LRRC23: variants seen among roughly 807,000 people sequenced by gnomAD.
LRRC23 encodes leucine rich repeat containing 23, also known as leucine-rich repeat-containing protein 23.
Under a neutral mutation model 37.7 loss-of-function variants are expected in LRRC23, and 28 were observed. That is an observed-to-expected ratio of 0.74 (90% CI 0.55 to 1.02). The LOEUF is 1.02. Ranked by LOEUF, LRRC23 falls within the 50% of genes least tolerant of loss-of-function variation. The pLI is 0.00. For missense variants in LRRC23, 377 were observed against 413.2 expected (o/e 0.91, Z 0.76); for synonymous variants, 161 against 165.4 (o/e 0.97, Z 0.20).
chr12:6,906,515 C>T lies in LRRC23; in HGVS notation c.343C>T (p.Leu115=). ...DLSPLNYLTH[L]LWLKADGNRL... ...GTCTCCACTCAACTACCTCACCCAC[C>T]TGCTCTGGCTCAAGGCTGATGGCAA... is the stretch of plus-strand genomic sequence containing the variant. Residue 115 remains leucine, a synonymous_variant, in exon 4 of 8, where the codon CTG becomes TTG. Coordinates refer to ENST00000443597, the MANE Select transcript of LRRC23 (RefSeq NM_001135217.2). 6.2e-7 allele frequency: 1 copy of T among 1,614,242 alleles called. No homozygotes were observed. The highest frequency in any genetic ancestry group is 8.5e-7 in the Non-Finnish European group (1 of 1,180,040).
intron 5 of LRRC23, among the ~76,000 whole-genome samples, chr12:6,908,607 A>AC (rs1945009360): frequency 1.7e-5 from 2 of 120,852 alleles, no homozygotes; most frequent in South Asian, 5.2e-4. Context: ...AAAAAAAAAA[A>AC]AAAAAAAAAA....
At position 6,912,781 on chromosome 12, in the gene LRRC23, C is replaced by T; in HGVS notation, c.810C>T (p.Pro270=). ...LGELAKLRDL[P]KLRALVLLDN... is the part of the protein sequence containing the mutation. ...AGCTGGCCAAGCTTCGAGACCTGCC[C>T]AAGCTGCGAGCGTTGGTGCTGCTTG... is the stretch of plus-strand genomic sequence containing the variant. The change falls in exon 7 of 8, where the codon CCC becomes CCT. Residue 270 remains proline, a synonymous_variant. Transcript: ENST00000443597. The T allele has an allele frequency of 6.8e-6, 11 of 1,614,160 alleles. No individual in the cohort carries two copies. Among genetic ancestry groups the T allele is most frequent in the Non-Finnish European group, 9.3e-6 (11 of 1,180,028 alleles).
In LRRC23 at chr12:6,905,768, C is replaced by G; in HGVS notation, c.126+9C>G. ...AAGAGTTCCCTGAGGAAGTGAGAGC[C>G]TGGACAAGGAGGGGTCCTAGGGCTG... is the stretch of plus-strand genomic sequence containing the variant. On this transcript the variant is annotated intron_variant, in intron 2 of 7. Coordinates refer to ENST00000443597, the MANE Select transcript of LRRC23 (RefSeq NM_001135217.2). 6.2e-7 allele frequency: 1 copy of G among 1,612,174 alleles called. No individual in the cohort carries two copies. The highest frequency in any genetic ancestry group is 8.5e-7 in the Non-Finnish European group (1 of 1,179,230).
At chr12:6,912,569 C>T (rs1229910242) in intron 6 of LRRC23, among the ~76,000 whole-genome samples, 161 bp from the exon 7 acceptor site, 1 of 152,162 alleles carries the variant, frequency 6.6e-6, no homozygotes, top group African/African-American at 2.4e-5. Flanking sequence ...AGCGGGGTCA[C>T]ACAGCACCTC....
At position 6,905,735 on chromosome 12, in the gene LRRC23, A is replaced by G. The variant is rs781952172; in HGVS notation, c.102A>G (p.Lys34=). ...KETEEGEDYR[K]EGEEFPEEWL... ...CAGAGGAGGGGGAGGACTACAGAAA[A>G]GAGGGGGAAGAGTTCCCTGAGGAAG... Residue 34 remains lysine (K), a synonymous_variant, in exon 2 of 8, where the codon AAA becomes AAG. Transcript: ENST00000443597. 6 of 1,611,644 alleles carry G rather than the reference A, an allele frequency of 3.7e-6. No individual in the cohort carries two copies. The East Asian group carries it at 1.3e-4, about 36-fold the overall frequency.
At chr12:6,910,934 G>A (rs1356742534) in intron 6 of LRRC23, among the ~76,000 whole-genome samples, 2 of 151,874 alleles carry the variant, frequency 1.3e-5, no homozygotes, top group African/African-American at 4.8e-5. Context: ...AAAGGAATCA[G>A]AGGTGATTCC....
intron 6 of LRRC23, among the ~76,000 whole-genome samples, chr12:6,912,420 G>C (rs1945181870): frequency 3.3e-5 from 5 of 152,106 alleles, no homozygotes; most frequent in Admixed American, 3.3e-4. Context: ...GTCTCTCCCT[G>C]TGAGGAAAAT....
intron 5 of LRRC23, chr12:6,907,692 A>C: frequency 1.0e-5 from 6 of 600,672 alleles, no homozygotes. Flanking sequence ...ATGGACCATA[A>C]TTGAGGTACA....
intron 6 of LRRC23, among the ~76,000 whole-genome samples, 172 bp from the exon 7 acceptor site, chr12:6,912,558 G>C (rs782683959): frequency 6.6e-6 from 1 of 152,176 alleles, no homozygotes; most frequent in Non-Finnish European, 1.5e-5. Context: ...AGCAGGACCA[G>C]AGCGGGGTCA....
Position 6,912,893 on chromosome 12 carries a change from G to A in LRRC23, c.922G>A (p.Glu308Lys), listed in dbSNP as rs1280771498. ...TGAACGCCTGGACAAGGAATTCTAT[G>A]AGGAGGAGGAACGGGCTGAGGCTGA... ...YLERLDKEFYEEEERAEADVI... is the reference protein window; with the variant it reads ...YLERLDKEFYKEEERAEADVI... Residue 308 changes from glutamate (E) to lysine (K), a missense_variant, in exon 7 of 8, where the codon GAG (glutamate) becomes AAG (lysine). Transcript: ENST00000443597. The A allele has an allele frequency of 1.2e-6, 2 of 1,614,002 alleles. No individual in the cohort carries two copies. The highest frequency in any genetic ancestry group is 1.7e-6 in the Non-Finnish European group (2 of 1,179,992).
chr12:6,910,219 T>G (rs1319286487), intron 6 of LRRC23, among the ~76,000 whole-genome samples, 193 bp downstream of exon 6: 1 of 152,168 alleles, frequency 6.6e-6, no homozygotes, highest in Non-Finnish European at 1.5e-5. Context: ...CCCTGAATTT[T>G]TATTCATTCA....
At chr12:6,908,613 A>AAAAAAAAAAAAC (rs1555140043) in intron 5 of LRRC23, among the ~76,000 whole-genome samples, 5 of 118,346 alleles carry the variant, frequency 4.2e-5, no homozygotes, top group African/African-American at 1.6e-4. Context: ...AAAAAAAAAA[A>AAAAAAAAAAAAC]AAAAAAACCA....
chr12:6,910,496 C>A (rs1039510158), intron 6 of LRRC23, among the ~76,000 whole-genome samples: 2 of 151,970 alleles, frequency 1.3e-5, no homozygotes, highest in Non-Finnish European at 1.5e-5. Flanking sequence ...ATCGTTGGAG[C>A]CTAGGAGTTC....
At chr12:6,913,511 G>A (rs1467933966) in intron 7 of LRRC23, among the ~76,000 whole-genome samples, 1 of 144,746 alleles carries the variant, frequency 6.9e-6, no homozygotes, top group African/African-American at 2.6e-5. Context: ...GAGGGTGGCC[G>A]CCAGGCACTT....
intron 5 of LRRC23, among the ~76,000 whole-genome samples, chr12:6,907,889 T>C (rs1180975474): frequency 6.6e-6 from 1 of 151,994 alleles, no homozygotes; most frequent in African/African-American, 2.4e-5. Context: ...ACTGTCTACC[T>C]GGGGATGGCA....
rs376109010 is a variant in LRRC23, at chr12:6,912,946, A to G, written c.975A>G (p.Glu325=). The G allele has an allele frequency of 6.8e-6, 11 of 1,613,992 alleles. No individual in the cohort carries two copies. In the African/African-American group the frequency reaches 1.5e-4, roughly 22 times the overall value. ...ADVIRQRLKE[E]KEQEPEPQRD... ...TGATTCGACAGAGGCTGAAGGAAGA[A>G]AAGGAGCAGGAGCCTGAGCCCCAGC... The change falls in exon 7 of 8, where the codon GAA becomes GAG. Residue 325 remains glutamate, a synonymous_variant. Coordinates refer to ENST00000443597, the MANE Select transcript of LRRC23 (RefSeq NM_001135217.2).
At chr12:6,911,978 G>A (rs567427037) in intron 6 of LRRC23, among the ~76,000 whole-genome samples, 27 of 152,124 alleles carry the variant, frequency 1.8e-4, no homozygotes, top group Non-Finnish European at 3.4e-4. Context: ...ACCCCCAACC[G>A]GGGTGACATA....
chr12:6,910,926 AGG>A (rs1945143880), intron 6 of LRRC23, among the ~76,000 whole-genome samples: 1 of 151,980 alleles, frequency 6.6e-6, no homozygotes, highest in African/African-American at 2.4e-5. Flanking sequence ...AAAGAAAGAA[AGG>A]AATCAGAGGT....
At chr12:6,910,072 G>A in intron 6 of LRRC23, 46 bp downstream of exon 6, 1 of 1,553,908 alleles carries the variant, frequency 6.4e-7, no homozygotes. Flanking sequence ...CCCTGACCAG[G>A]TGCAGCTTTT....
Sources: allele counts gnomAD v4.1 joint callset (sites outside exome capture counted in the v4.1 genomes callset), GRCh38; gene constraint gnomAD v4.1.1; transcripts MANE v1.5; gene names NCBI Gene and HGNC (gene_info 2026-07-23, HGNC 2026-07-21).